The following RORA variants were observed in gnomAD, a reference collection of about 807,000 sequenced individuals.
The protein encoded by RORA is RAR related orphan receptor A.
In RORA, 7 loss-of-function variants were observed where a neutral mutation model predicts 69.5. The ratio of observed to expected loss-of-function variants is 0.10; its 90% CI spans 0.06 to 0.19. The LOEUF is 0.19. RORA is among the 10% of genes least tolerant of loss of function. The pLI is 1.00. For missense variants in RORA, 457 were observed against 663.0 expected (o/e 0.69, Z 3.41); for synonymous variants, 261 against 240.8 (o/e 1.08, Z -0.78).
chr15:60,762,528 T>G (rs1367033910), intron 1 of RORA, among the ~76,000 whole-genome samples: 1 of 151,924 alleles, frequency 6.6e-6, no homozygotes, highest in Non-Finnish European at 1.5e-5. Flanking sequence ...AAGAAGTGCA[T>G]GAAACACACA....
intron 1 of RORA, among the ~76,000 whole-genome samples, chr15:60,808,804 A>C (rs1276566507): frequency 6.6e-6 from 1 of 151,860 alleles, no homozygotes; most frequent in Non-Finnish European, 1.5e-5. Context: ...ACCATGGAAT[A>C]CTACTCAGCC....
intron 1 of RORA, among the ~76,000 whole-genome samples, chr15:60,984,101 G>C (rs11633499): frequency 0.2 from 30,997 of 151,998 alleles, 3,602 homozygotes; most frequent in Non-Finnish European, 0.26. Context: ...ATGTTAGTAG[G>C]ATAAGAACCA....
intron 1 of RORA, among the ~76,000 whole-genome samples, chr15:60,699,658 A>G (rs1324971240): frequency 2.0e-5 from 3 of 152,210 alleles, no homozygotes; most frequent in Non-Finnish European, 4.4e-5. Flanking sequence ...ACTTCTTTGT[A>G]AAATGGGGAT....
chr15:60,816,705 G>A (rs1038631039), intron 1 of RORA, among the ~76,000 whole-genome samples: 113 of 137,002 alleles, frequency 8.2e-4, no homozygotes, highest in African/African-American at 3.1e-3. Context: ...TGCACGTTGT[G>A]CACATGTACC....
intron 1 of RORA, among the ~76,000 whole-genome samples, chr15:60,820,104 C>A (rs1302971296): frequency 6.6e-6 from 1 of 152,262 alleles, no homozygotes; most frequent in East Asian, 1.9e-4. Flanking sequence ...TCCCTGCTAT[C>A]TTTGATTGGG....
chr15:60,771,050 TA>T (rs1336749592), intron 1 of RORA, among the ~76,000 whole-genome samples: 2 of 152,258 alleles, frequency 1.3e-5, no homozygotes, highest in African/African-American at 4.8e-5. Flanking sequence ...GGGCATGTTG[TA>T]TTTTTATTTG....
chr15:60,989,843 G>A (rs1251670337), intron 1 of RORA, among the ~76,000 whole-genome samples: 4 of 151,786 alleles, frequency 2.6e-5, no homozygotes, highest in African/African-American at 9.7e-5. Flanking sequence ...AACACCCTGA[G>A]GTCGAGTCAG....
intron 1 of RORA, among the ~76,000 whole-genome samples, chr15:61,153,069 T>G (rs532357627): frequency 6.6e-6 from 1 of 152,062 alleles, no homozygotes; most frequent in African/African-American, 2.4e-5. Flanking sequence ...GGTGTCCTGA[T>G]TGATAATCCT....
intron 1 of RORA, among the ~76,000 whole-genome samples, chr15:61,144,346 T>C (rs2079326717): frequency 6.6e-6 from 1 of 152,148 alleles, no homozygotes; most frequent in Non-Finnish European, 1.5e-5. Context: ...AGCCTTTTAG[T>C]TTTTGGATGT....
chr15:60,549,466 C>T (rs917210894), intron 2 of RORA, among the ~76,000 whole-genome samples: 1 of 152,108 alleles, frequency 6.6e-6, no homozygotes, highest in Non-Finnish European at 1.5e-5. Context: ...CACTATAAGA[C>T]CAAGGTACTA....
chr15:61,187,421 T>C (rs2079754603), intron 1 of RORA, among the ~76,000 whole-genome samples: 1 of 151,896 alleles, frequency 6.6e-6, no homozygotes, highest in African/African-American at 2.4e-5. Context: ...GAGAGGAAAA[T>C]CCACCAATTT....
chr15:60,548,914 C>G (rs150292498), intron 2 of RORA, among the ~76,000 whole-genome samples: 3 of 152,162 alleles, frequency 2.0e-5, no homozygotes, highest in African/African-American at 7.2e-5. Flanking sequence ...CATGAGCCAC[C>G]GCGCCTGGCC....
chr15:60,910,019 T>C (rs1054431556), intron 1 of RORA, among the ~76,000 whole-genome samples: 2 of 152,216 alleles, frequency 1.3e-5, no homozygotes, highest in Admixed American at 6.5e-5. Flanking sequence ...AGCCTCATAA[T>C]TGAGTTGCAA....
intron 1 of RORA, among the ~76,000 whole-genome samples, chr15:60,851,128 G>A (rs969700759): frequency 4.6e-5 from 7 of 152,102 alleles, no homozygotes; most frequent in African/African-American, 7.2e-5. Flanking sequence ...TAGCACCACC[G>A]CTTGAGTCAT....
chr15:60,653,449 G>C (rs2070175719), intron 2 of RORA, among the ~76,000 whole-genome samples: 1 of 152,164 alleles, frequency 6.6e-6, no homozygotes, highest in African/African-American at 2.4e-5. Flanking sequence ...ACAACAAGGA[G>C]TGATGGGAGG....
chr15:61,012,650 G>C (rs1895125610), intron 1 of RORA, among the ~76,000 whole-genome samples: 2 of 121,232 alleles, frequency 1.6e-5, no homozygotes, highest in African/African-American at 5.1e-5. Context: ...ACTAAACCAA[G>C]TTATCACTTT....
At chr15:60,834,407 C>G (rs748327586) in intron 1 of RORA, among the ~76,000 whole-genome samples, 2 of 152,160 alleles carry the variant, frequency 1.3e-5, no homozygotes, top group Admixed American at 6.5e-5. Context: ...TCCGTGTGCT[C>G]CATACCTTGA....
At chr15:60,560,550 G>A (rs902046913) in intron 2 of RORA, among the ~76,000 whole-genome samples, 1 of 152,184 alleles carries the variant, frequency 6.6e-6, no homozygotes, top group Non-Finnish European at 1.5e-5. Context: ...TTAGCCGAGT[G>A]TGGTGGTGCC....
intron 1 of RORA, among the ~76,000 whole-genome samples, chr15:61,227,201 C>T (rs2080153414): frequency 7.3e-6 from 1 of 136,968 alleles, no homozygotes; most frequent in African/African-American, 2.6e-5. Context: ...TACTATGTCC[C>T]CCCCATTCCA....
Sources: allele counts gnomAD v4.1 joint callset (sites outside exome capture counted in the v4.1 genomes callset), GRCh38; gene constraint gnomAD v4.1.1; transcripts MANE v1.5; gene names NCBI Gene and HGNC (gene_info 2026-07-23, HGNC 2026-07-21).